DMD: variants seen among roughly 807,000 people sequenced by gnomAD.
The protein encoded by DMD is dystrophin, also known as mutant dystrophin.
DMD carries 63 observed loss-of-function variants against 330.1 expected under a neutral mutation model. That is an observed-to-expected ratio of 0.19 (90% confidence interval 0.16 to 0.24). DMD has a LOEUF of 0.24. Among genes scored for constraint, DMD ranks in the 10% least tolerant of loss-of-function variants. DMD has a pLI of 1.00. For synonymous variants in DMD, 1,223 were observed against 959.8 expected (o/e 1.27, Z -5.07); for missense variants, 3,344 against 2,684.1 (o/e 1.25, Z -5.43).
intron 36 of DMD, among the ~76,000 whole-genome samples, chrX:32,363,982 T>A (rs1162885272): frequency 8.9e-6 from 1 of 111,972 alleles, no homozygotes; most frequent in African/African-American, 3.2e-5. Context: ...ACACCTCTCA[T>A]ACCCTTTTAT....
chrX:32,370,680 C>T (rs2097872481), intron 34 of DMD, among the ~76,000 whole-genome samples: 1 of 109,417 alleles, frequency 9.1e-6, no homozygotes, highest in South Asian at 3.9e-4. Context: ...AATTACTCTG[C>T]TCACTTTAAA....
At chrX:32,554,927 AAGAAAGAAAGAAAGAG>A (rs1367308124) in intron 16 of DMD, among the ~76,000 whole-genome samples, 1,697 of 30,520 alleles carry the variant, frequency 0.056, 226 homozygotes, top group African/African-American at 0.3. Flanking sequence ...GAAAGAAAGA[AAGAAAGAAAGAAAGAG>A]AGAGAGAGGG....
chrX:31,536,370 G>C (rs1165962233), intron 55 of DMD, among the ~76,000 whole-genome samples: 1 of 111,419 alleles, frequency 9.0e-6, no homozygotes, highest in African/African-American at 3.3e-5. Flanking sequence ...TTTAAACTGG[G>C]GAGGTGAGAA....
intron 1 of DMD, among the ~76,000 whole-genome samples, chrX:33,106,259 T>C (rs1446234141): frequency 1.8e-5 from 2 of 110,306 alleles, no homozygotes; most frequent in African/African-American, 6.6e-5. Context: ...CAGAGTGATA[T>C]AAGGGACTTC....
At chrX:33,235,277 T>C (rs2052456424) in intron 1 of DMD, among the ~76,000 whole-genome samples, 1 of 111,752 alleles carries the variant, frequency 8.9e-6, no homozygotes, top group Non-Finnish European at 1.9e-5. Context: ...GCTTCCTTTC[T>C]AAAAGGCCTC....
intron 44 of DMD, among the ~76,000 whole-genome samples, chrX:32,042,879 G>A (rs2096022685): frequency 8.9e-6 from 1 of 112,156 alleles, no homozygotes; most frequent in Non-Finnish European, 1.9e-5. Flanking sequence ...TATTTAACAA[G>A]CAGGTAGTGT....
At chrX:31,650,052 C>G (rs940110559) in intron 54 of DMD, among the ~76,000 whole-genome samples, 6 of 108,690 alleles carry the variant, frequency 5.5e-5, no homozygotes, top group Non-Finnish European at 7.6e-5. Context: ...AACTGAACTC[C>G]TAGGTTCAAG....
At chrX:31,131,587 C>T (rs899125886) in intron 77 of DMD, among the ~76,000 whole-genome samples, 2 of 111,828 alleles carry the variant, frequency 1.8e-5, no homozygotes, top group African/African-American at 6.5e-5. Context: ...CCTTTCAAGG[C>T]TCTTCCATTT....
intron 7 of DMD, among the ~76,000 whole-genome samples, chrX:32,729,284 G>A (rs1170027804): frequency 1.8e-5 from 2 of 111,791 alleles, no homozygotes; most frequent in African/African-American, 6.5e-5. Flanking sequence ...AACACTTCTG[G>A]TCCCAAGCAT....
intron 1 of DMD, among the ~76,000 whole-genome samples, chrX:33,239,260 C>A (rs1406990696): frequency 1.1e-4 from 7 of 62,045 alleles, no homozygotes; most frequent in African/African-American, 4.8e-4. Context: ...GGTGACAGAG[C>A]AAGACTCTGT....
intron 2 of DMD, among the ~76,000 whole-genome samples, chrX:32,902,425 A>G (rs5928107): frequency 0.24 from 25,946 of 110,099 alleles, 2,384 homozygotes; most frequent in East Asian, 0.42. Context: ...CACATGCAAA[A>G]TATGTCATAG....
At chrX:31,854,952 T>A (rs930117162) in intron 48 of DMD, among the ~76,000 whole-genome samples, 1 of 111,529 alleles carries the variant, frequency 9.0e-6, no homozygotes, top group Non-Finnish European at 1.9e-5. Flanking sequence ...TCTCCAGCAA[T>A]TGCCAAATTC....
intron 63 of DMD, among the ~76,000 whole-genome samples, chrX:31,257,436 T>C (rs73464367): frequency 0.053 from 5,848 of 110,506 alleles, 271 homozygotes; most frequent in African/African-American, 0.14. Context: ...CAACTGACTG[T>C]AGTTGAAGGC....
chrX:32,508,772 A>G (rs1349690575), intron 18 of DMD, among the ~76,000 whole-genome samples: 1 of 112,147 alleles, frequency 8.9e-6, no homozygotes, highest in Non-Finnish European at 1.9e-5. Flanking sequence ...TTCTACTTAA[A>G]GGTAACTTCA....
intron 7 of DMD, among the ~76,000 whole-genome samples, chrX:32,713,400 G>C (rs1164950832): frequency 9.0e-6 from 1 of 111,266 alleles, no homozygotes; most frequent in African/African-American, 3.3e-5. Flanking sequence ...TGAAAGAAGA[G>C]GGAAAGAGAA....
intron 54 of DMD, among the ~76,000 whole-genome samples, chrX:31,638,374 T>G (rs1009633078): frequency 8.9e-6 from 1 of 111,875 alleles, no homozygotes; most frequent in African/African-American, 3.2e-5. Flanking sequence ...GTTCTACTCA[T>G]GTTCTGTCAA....
chrX:32,610,632 A>T (rs2057095991), intron 12 of DMD, among the ~76,000 whole-genome samples: 1 of 111,507 alleles, frequency 9.0e-6, no homozygotes, highest in African/African-American at 3.2e-5. Flanking sequence ...GCAGAATTTA[A>T]ATCAATTCCC....
intron 10 of DMD, 67 bp from the exon 11 acceptor site, chrX:32,644,380 A>G: frequency 9.1e-7 from 1 of 1,102,012 alleles, no homozygotes; most frequent in Non-Finnish European, 1.3e-6. Context: ...TTTGAGTTTT[A>G]TTTGTTTGCA....
At position 32,644,001 on chromosome X, in the gene DMD, C is replaced by G. The variant is rs72470504; in HGVS notation, c.1331+131G>C. On this transcript the variant is annotated intron_variant, in intron 11 of 78. Transcript: ENST00000357033. ...TTATTTCTATGAAAATCCAACCAGT[C>G]TCCCTTGAAAGAAAGCTGTGTGCCT... is the stretch of plus-strand genomic sequence containing the variant. 7.3e-3 allele frequency: 4,051 copies of G among 553,634 alleles called. 118 individuals are homozygous for G. The African/African-American group carries it at 0.081, about 11-fold the overall frequency. 45.6% of individuals were successfully genotyped at this position (553,634 alleles called of 1,213,427 possible). A position where few individuals can be genotyped will look rare whatever the true frequency, so the allele number is the denominator to read the frequency against.
Sources: allele counts gnomAD v4.1 joint callset (sites outside exome capture counted in the v4.1 genomes callset), GRCh38; gene constraint gnomAD v4.1.1; transcripts MANE v1.5; gene names NCBI Gene and HGNC (gene_info 2026-07-23, HGNC 2026-07-21).